Variants in SGK3 observed in about 807,000 individuals in gnomAD.
SGK3 encodes the protein serum/glucocorticoid regulated kinase family member 3, also known as serine/threonine-protein kinase Sgk3.
Under a neutral mutation model 68.5 loss-of-function variants are expected in SGK3, and 47 were observed. The ratio of observed to expected loss-of-function variants is 0.69; its 90% CI spans 0.54 to 0.87. The LOEUF is 0.87. Among genes scored for constraint, SGK3 ranks in the 40% least tolerant of loss-of-function variants. The pLI is 0.00. For missense variants in SGK3, 479 were observed against 575.5 expected, an observed-to-expected ratio of 0.83 and a Z score of 1.72; for synonymous variants, 181 against 189.1, an observed-to-expected ratio of 0.96 and a Z score of 0.35.
intron 1 of SGK3, among the ~76,000 whole-genome samples, chr8:66,757,914 TAA>T (rs199791389): frequency 8.0e-6 from 1 of 125,124 alleles, no homozygotes; most frequent in African/African-American, 3.0e-5. Flanking sequence ...GACTCCAGCT[TAA>T]AAAAAAAAGT....
intron 5 of SGK3, among the ~76,000 whole-genome samples, chr8:66,817,129 C>CT (rs942247718): frequency 2.6e-5 from 4 of 151,930 alleles, no homozygotes; most frequent in African/African-American, 9.7e-5. Flanking sequence ...AGGAAATGTG[C>CT]TTTTAAAATA....
At chr8:66,755,024 G>A (rs757705423) in intron 1 of SGK3, among the ~76,000 whole-genome samples, 11 of 152,116 alleles carry the variant, frequency 7.2e-5, no homozygotes, top group Non-Finnish European at 1.2e-4. Flanking sequence ...TTTGGGAGGC[G>A]GAAGCGGGTG....
chr8:66,753,849 G>T (rs1051615768), intron 1 of SGK3, among the ~76,000 whole-genome samples: 22 of 151,970 alleles, frequency 1.4e-4, no homozygotes, highest in African/African-American at 5.3e-4. Context: ...AAAAGAATAT[G>T]ATCTCCCCCT....
At chr8:66,755,409 G>A (rs1031633264) in intron 1 of SGK3, among the ~76,000 whole-genome samples, 4 of 152,192 alleles carry the variant, frequency 2.6e-5, no homozygotes, top group East Asian at 1.9e-4. Flanking sequence ...GTGCACCTGC[G>A]TTTTAACTGC....
At chr8:66,856,807 A>G (rs895404845) in intron 16 of SGK3, among the ~76,000 whole-genome samples, 2 of 152,188 alleles carry the variant, frequency 1.3e-5, no homozygotes, top group Non-Finnish European at 2.9e-5. Context: ...ATAGAGATAG[A>G]GTAGTTTATA....
chr8:66,751,490 C>T lies in SGK3; in HGVS notation c.-122+38657C>T, dbSNP rs374772418. 1.1e-4 allele frequency among the ~76,000 whole-genome samples: 17 copies of T among 152,134 alleles called. No homozygotes were observed. In the East Asian group the frequency reaches 3.3e-3, roughly 29 times the overall value. ...ATTGCCTTAAGTACTTTTTTAATAT[C>T]ATGAGTCATCACTTCTGGAAAGTTC... On this transcript the variant is annotated intron_variant, in intron 1 of 16. Transcript: ENST00000521198.
chr8:66,783,986 C>G (rs867596295), intron 1 of SGK3, among the ~76,000 whole-genome samples: 4 of 152,146 alleles, frequency 2.6e-5, no homozygotes, highest in Non-Finnish European at 5.9e-5. Context: ...CCACCTCTGC[C>G]TCTTGGGCTC....
At chr8:66,744,530 T>TGTTTGTTTG in intron 1 of SGK3, among the ~76,000 whole-genome samples, 1 of 119,304 alleles carries the variant, frequency 8.4e-6, no homozygotes, top group African/African-American at 3.1e-5. Context: ...TTTTTTTTTT[T>TGTTTGTTTG]TTTTTTTTTT....
At chr8:66,723,105 ATATATATATATATATATATATATATATT>A (rs1804852527) in intron 1 of SGK3, among the ~76,000 whole-genome samples, 2 of 35,668 alleles carry the variant, frequency 5.6e-5, no homozygotes, top group Non-Finnish European at 5.5e-5. Flanking sequence ...ATATATATAT[ATATATATATATATATATATATATATATT>A]TTTTTTTTTT....
At chr8:66,778,484 G>T (rs1357763841) in intron 1 of SGK3, among the ~76,000 whole-genome samples, 2 of 152,142 alleles carry the variant, frequency 1.3e-5, no homozygotes, top group Non-Finnish European at 2.9e-5. Flanking sequence ...TTTTAGTAGA[G>T]ACGGGGTTTC....
chr8:66,803,836 A>G (rs915635172), intron 3 of SGK3, among the ~76,000 whole-genome samples: 2 of 150,464 alleles, frequency 1.3e-5, no homozygotes, highest in Non-Finnish European at 3.0e-5. Flanking sequence ...TTTTTATTTT[A>G]TTTTTTAGAG....
At chr8:66,847,039 T>A (rs1810057278) in intron 14 of SGK3, among the ~76,000 whole-genome samples, 154 bp from the exon 15 acceptor site, 2 of 152,220 alleles carry the variant, frequency 1.3e-5, no homozygotes, top group Non-Finnish European at 2.9e-5. Context: ...TTAGAATCTC[T>A]TTGCTTCAGG....
At chr8:66,739,253 CAT>C (rs1229785174) in intron 1 of SGK3, among the ~76,000 whole-genome samples, 1 of 152,114 alleles carries the variant, frequency 6.6e-6, no homozygotes, top group African/African-American at 2.4e-5. Flanking sequence ...GGGAAGCAGA[CAT>C]GTGAAAAGGA....
intron 13 of SGK3, 117 bp downstream of exon 13, chr8:66,841,227 T>G (rs1809785842): frequency 1.2e-6 from 1 of 833,674 alleles, no homozygotes; most frequent in East Asian, 3.2e-5. Flanking sequence ...TCATTTCAGC[T>G]TCCAGCCAGC....
At chr8:66,795,231 A>G (rs1807629985) in intron 2 of SGK3, among the ~76,000 whole-genome samples, 1 of 152,214 alleles carries the variant, frequency 6.6e-6, no homozygotes, top group Non-Finnish European at 1.5e-5. Flanking sequence ...GACAAGAAGC[A>G]GGGAAAGCAG....
intron 1 of SGK3, among the ~76,000 whole-genome samples, chr8:66,744,508 TA>T (rs1563605616): frequency 9.6e-5 from 3 of 31,228 alleles, no homozygotes; most frequent in Non-Finnish European, 1.9e-4. Context: ...TATATATATA[TA>T]TATATATATA....
intron 1 of SGK3, among the ~76,000 whole-genome samples, chr8:66,761,492 T>C (rs1344745089): frequency 6.6e-6 from 1 of 152,140 alleles, no homozygotes; most frequent in African/African-American, 2.4e-5. Context: ...AAAAATAGTT[T>C]GGGCTGGGCA....
chr8:66,817,840 G>C (rs1808656781), intron 5 of SGK3, among the ~76,000 whole-genome samples: 1 of 152,094 alleles, frequency 6.6e-6, no homozygotes. Context: ...GTGCACGGTG[G>C]CTCATGCCTT....
rs181256217 is a variant in SGK3 at position 66,825,714 on chromosome 8, G to A, written c.418-2940G>A. Among the ~76,000 whole-genome samples, 3 of 152,216 alleles carry A rather than the reference G, an allele frequency of 2.0e-5. No individual in the cohort carries two copies. In the East Asian group the frequency reaches 5.8e-4, roughly 29 times the overall value. On this transcript the variant is annotated intron_variant, in intron 6 of 16. Transcript: ENST00000521198. Reference sequence around the variant, plus strand: ...ACACAGAGAAAAATAGAGGCCAAGGGAAGTCAAGAAACTTAAATGATCTCA... The same window carrying A: ...ACACAGAGAAAAATAGAGGCCAAGGAAAGTCAAGAAACTTAAATGATCTCA...
Sources: allele counts gnomAD v4.1 joint callset (sites outside exome capture counted in the v4.1 genomes callset), GRCh38; gene constraint gnomAD v4.1.1; transcripts MANE v1.5; gene names NCBI Gene and HGNC (gene_info 2026-07-23, HGNC 2026-07-21).